SIK3: variants seen among roughly 807,000 people sequenced by gnomAD.
SIK3 encodes serine/threonine-protein kinase SIK3.
In SIK3, 28 loss-of-function variants were observed where a neutral mutation model predicts 144.2. That is an observed-to-expected ratio of 0.19 (90% CI 0.14 to 0.27). The LOEUF is 0.27. Among genes scored for constraint, SIK3 ranks in the 10% least tolerant of loss-of-function variants. SIK3 has a pLI of 1.00. For missense variants in SIK3, 1,319 were observed against 1,776.0 expected, an observed-to-expected ratio of 0.74 and a Z score of 4.62; for synonymous variants, 686 against 676.3, an observed-to-expected ratio of 1.01 and a Z score of -0.22.
intron 3 of SIK3, among the ~76,000 whole-genome samples, chr11:116,927,614 A>T (rs1300526079): frequency 6.6e-6 from 1 of 152,224 alleles, no homozygotes; most frequent in African/African-American, 2.4e-5. Flanking sequence ...ATAAGAACAC[A>T]CTTGTACTTT....
chr11:117,014,597 TC>T (rs35190172), intron 1 of SIK3, among the ~76,000 whole-genome samples: 24,234 of 151,982 alleles, frequency 0.16, 2,038 homozygotes, highest in Admixed American at 0.21. Flanking sequence ...GGGGCTCATC[TC>T]CAAAATATAG....
At chr11:117,028,273 AC>A (rs1239350587) in intron 1 of SIK3, among the ~76,000 whole-genome samples, 1 of 152,052 alleles carries the variant, frequency 6.6e-6, no homozygotes, top group Non-Finnish European at 1.5e-5. Flanking sequence ...TCAGCATGAA[AC>A]CCTTCATTCA....
chr11:117,051,937 T>C (rs1272927869), intron 1 of SIK3, among the ~76,000 whole-genome samples: 1 of 150,558 alleles, frequency 6.6e-6, no homozygotes, highest in Non-Finnish European at 1.5e-5. Context: ...AGGTCAGGAG[T>C]TTGAGATCAG....
chr11:117,033,086 A>G (rs1251395962), intron 1 of SIK3, among the ~76,000 whole-genome samples: 1 of 152,176 alleles, frequency 6.6e-6, no homozygotes. Flanking sequence ...CATTTGTAGA[A>G]TGTGAAATTC....
At chr11:117,032,373 T>C (rs1952298599) in intron 1 of SIK3, among the ~76,000 whole-genome samples, 1 of 152,276 alleles carries the variant, frequency 6.6e-6, no homozygotes, top group East Asian at 1.9e-4. Flanking sequence ...AAGTAAGTCC[T>C]ATATACGTTT....
chr11:116,861,467 G>A (rs988582199), intron 18 of SIK3, 84 bp from the exon 19 acceptor site: 7 of 1,019,726 alleles, frequency 6.9e-6, no homozygotes, highest in Admixed American at 2.7e-5. Context: ...ACATATATCA[G>A]TGGAAACTAT....
chr11:116,976,906 G>A (rs1204124463), intron 1 of SIK3, among the ~76,000 whole-genome samples: 1 of 152,046 alleles, frequency 6.6e-6, no homozygotes, highest in Non-Finnish European at 1.5e-5. Flanking sequence ...AAGTTACAGG[G>A]CAGTGACAAT....
chr11:117,001,694 G>A (rs569061927), intron 1 of SIK3, among the ~76,000 whole-genome samples: 41 of 152,024 alleles, frequency 2.7e-4, no homozygotes, highest in South Asian at 2.3e-3. Flanking sequence ...GGCCTCAAAC[G>A]ATTCTCCCAC....
intron 3 of SIK3, among the ~76,000 whole-genome samples, chr11:116,930,297 G>C (rs372889527): frequency 6.6e-6 from 1 of 152,004 alleles, no homozygotes; most frequent in East Asian, 1.9e-4. Context: ...GTAAACCTAC[G>C]AGGTCTAGTG....
intron 11 of SIK3, among the ~76,000 whole-genome samples, 162 bp downstream of exon 11, chr11:116,874,996 G>T (rs573449033): frequency 1.3e-5 from 2 of 152,160 alleles, no homozygotes; most frequent in Non-Finnish European, 2.9e-5. Flanking sequence ...AATTTTAATT[G>T]TCTACATACA....
At chr11:117,019,314 C>T (rs981756579) in intron 1 of SIK3, among the ~76,000 whole-genome samples, 3 of 152,208 alleles carry the variant, frequency 2.0e-5, no homozygotes, top group African/African-American at 7.2e-5. Flanking sequence ...CCACCGCACA[C>T]GGTCTTTATT....
intron 1 of SIK3, among the ~76,000 whole-genome samples, chr11:117,020,716 C>T (rs1161366472): frequency 6.6e-6 from 1 of 152,172 alleles, no homozygotes; most frequent in Non-Finnish European, 1.5e-5. Context: ...CCCAGCTCTA[C>T]CGGGATGGAA....
At chr11:116,914,997 T>A (rs1158152298) in intron 4 of SIK3, among the ~76,000 whole-genome samples, 1 of 152,208 alleles carries the variant, frequency 6.6e-6, no homozygotes, top group African/African-American at 2.4e-5. Context: ...AATTTAAAAG[T>A]TCACTATGAA....
intron 1 of SIK3, among the ~76,000 whole-genome samples, chr11:117,065,036 C>G (rs1953947034): frequency 6.6e-6 from 1 of 152,040 alleles, no homozygotes; most frequent in Non-Finnish European, 1.5e-5. Context: ...GTAGTCCCAG[C>G]TACTCGGGAG....
At chr11:116,965,777 ATATAT>A (rs1565507784) in intron 1 of SIK3, among the ~76,000 whole-genome samples, 37 of 60,192 alleles carry the variant, frequency 6.1e-4, no homozygotes, top group African/African-American at 2.4e-3. Flanking sequence ...ATATATATAT[ATATAT>A]AAATTAGCCA....
At chr11:116,987,848 G>A (rs972217835) in intron 1 of SIK3, among the ~76,000 whole-genome samples, 3 of 152,050 alleles carry the variant, frequency 2.0e-5, no homozygotes, top group Non-Finnish European at 2.9e-5. Context: ...CAGAGAACAC[G>A]GTAAGTTGAA....
intron 3 of SIK3, among the ~76,000 whole-genome samples, chr11:116,927,640 G>A (rs1947349116): frequency 6.6e-6 from 1 of 152,176 alleles, no homozygotes; most frequent in Admixed American, 6.5e-5. Context: ...GGAAAAGAGA[G>A]TTCTGGTGTT....
chr11:117,004,502 T>TGA (rs1950971335), intron 1 of SIK3, among the ~76,000 whole-genome samples: 1 of 151,972 alleles, frequency 6.6e-6, no homozygotes, highest in African/African-American at 2.4e-5. Flanking sequence ...GGTGACAAAG[T>TGA]GAGACCCTGT....
At chr11:116,890,547 A>G (rs1392572046) in intron 6 of SIK3, among the ~76,000 whole-genome samples, 1 of 152,234 alleles carries the variant, frequency 6.6e-6, no homozygotes, top group Non-Finnish European at 1.5e-5. Context: ...TGAAAAAGAC[A>G]TGTTTCGTCT....
Sources: gnomAD v4.1 joint callset for allele counts (sites outside exome capture counted in the v4.1 genomes callset) on GRCh38, gnomAD v4.1.1 for gene constraint, MANE v1.5 for transcripts, NCBI Gene and HGNC (gene_info 2026-07-23, HGNC 2026-07-21) for gene names.